Variants in CFAP299 observed in about 807,000 individuals in gnomAD.
CFAP299 encodes the protein cilia- and flagella-associated protein 299.
Under a neutral mutation model 27.0 loss-of-function variants are expected in CFAP299, and 21 were observed. The ratio of observed to expected loss-of-function variants is 0.78; its 90% CI spans 0.55 to 1.12. The LOEUF (loss-of-function observed/expected upper bound fraction) is 1.12, where lower values mean the gene tolerates loss of function less well. Among genes scored for constraint, CFAP299 ranks in the 50% most tolerant of loss-of-function variants. The probability of loss-of-function intolerance (pLI) is 0.00; values close to 1 mark genes in which losing one functional copy is unlikely to be tolerated. For missense variants in CFAP299, 310 were observed against 276.6 expected, an observed-to-expected ratio of 1.12 and a Z score of -0.86; for synonymous variants, 104 against 98.1, an observed-to-expected ratio of 1.06 and a Z score of -0.36.
intron 3 of CFAP299, among the ~76,000 whole-genome samples, chr4:80,692,124 A>G (rs188406180): frequency 1.1e-4 from 16 of 152,230 alleles, no homozygotes; most frequent in African/African-American, 2.6e-4. Flanking sequence ...ACTGCCCAAG[A>G]TAATTTACAG....
intron 2 of CFAP299, among the ~76,000 whole-genome samples, chr4:80,560,884 G>A (rs1452399004): frequency 6.6e-6 from 1 of 152,094 alleles, no homozygotes; most frequent in Non-Finnish European, 1.5e-5. Context: ...GGTCCTGTGG[G>A]ACCTCGCCAC....
At chr4:80,514,091 T>TTG (rs1732456332) in intron 2 of CFAP299, among the ~76,000 whole-genome samples, 1 of 152,050 alleles carries the variant, frequency 6.6e-6, no homozygotes, top group Non-Finnish European at 1.5e-5. Context: ...TGTGTTTTTT[T>TTG]GTTTGTTTGT....
intron 3 of CFAP299, among the ~76,000 whole-genome samples, chr4:80,824,402 T>C (rs1729872063): frequency 6.6e-6 from 1 of 152,066 alleles, no homozygotes; most frequent in South Asian, 2.1e-4. Context: ...CTTCAGGTAT[T>C]GGGAATTTGT....
chr4:80,493,613 A>T (rs1465612251), intron 2 of CFAP299, among the ~76,000 whole-genome samples: 1 of 152,172 alleles, frequency 6.6e-6, no homozygotes. Flanking sequence ...AGTAGAAGGC[A>T]AAGAATTGAT....
In CFAP299 at chr4:80,362,780, G is replaced by A. The variant is rs1221396193; in HGVS notation, c.138G>A (p.Val46=). Residue 46 remains valine, a synonymous_variant, in exon 2 of 6, where the codon GTG becomes GTA. Coordinates refer to ENST00000358105, the MANE Select transcript of CFAP299 (RefSeq NM_152770.3). ...LEDETLARQL[V]ELGYRGTGER... The stretch of plus-strand genomic sequence containing the variant: ...ATGAAACCCTGGCCCGCCAGTTGGT[G>A]GAGCTAGGCTACCGAGGGACTGGAG... The A allele has an allele frequency of 6.2e-7, 1 of 1,609,118 alleles. No individual in the cohort carries two copies. The highest frequency in any genetic ancestry group is 8.5e-7 in the Non-Finnish European group (1 of 1,178,770).
At chr4:80,338,697 C>T (rs1416622751) in intron 1 of CFAP299, among the ~76,000 whole-genome samples, 2 of 152,200 alleles carry the variant, frequency 1.3e-5, no homozygotes, top group Non-Finnish European at 2.9e-5. Flanking sequence ...ATATTGCCTA[C>T]ACTGCTAAGA....
chr4:80,803,436 T>C (rs372021139), intron 3 of CFAP299, among the ~76,000 whole-genome samples: 15 of 152,154 alleles, frequency 9.9e-5, no homozygotes, highest in African/African-American at 3.6e-4. Flanking sequence ...TCAAAATCTG[T>C]GTACAAAAGC....
At chr4:80,956,017 A>G (rs1738046111) in intron 5 of CFAP299, among the ~76,000 whole-genome samples, 1 of 152,284 alleles carries the variant, frequency 6.6e-6, no homozygotes, top group African/African-American at 2.4e-5. Flanking sequence ...AAAAGAATGT[A>G]CATAATATTC....
rs77501250 is a variant in CFAP299, at chr4:80,865,342, T to A, written c.334-4651T>A. 2.3e-3 allele frequency among the ~76,000 whole-genome samples: 348 copies of A among 152,310 alleles called. 1 individual carries two copies. The highest frequency in any genetic ancestry group is 3.4e-3 in the Non-Finnish European group (233 of 68,024). On this transcript the variant is annotated intron_variant, in intron 3 of 5. Coordinates refer to ENST00000358105, the MANE Select transcript of CFAP299 (RefSeq NM_152770.3). The stretch of plus-strand genomic sequence containing the variant: ...ATTAACTGAGACTGTTAGTTTAACT[T>A]CATTCAAATTCTTAGGCAATCCACA...
intron 3 of CFAP299, among the ~76,000 whole-genome samples, chr4:80,681,247 C>T (rs1450312647): frequency 6.6e-6 from 1 of 152,086 alleles, no homozygotes; most frequent in African/African-American, 2.4e-5. Context: ...TGTATCCCCT[C>T]CTGTGACAGA....
chr4:80,743,067 G>T (rs1236269360), intron 3 of CFAP299, among the ~76,000 whole-genome samples: 1 of 152,060 alleles, frequency 6.6e-6, no homozygotes, highest in Non-Finnish European at 1.5e-5. Context: ...TGCTTTTGTA[G>T]TTAACCTGAT....
At chr4:80,797,613 T>A (rs1346512281) in intron 3 of CFAP299, among the ~76,000 whole-genome samples, 1 of 152,116 alleles carries the variant, frequency 6.6e-6, no homozygotes, top group Admixed American at 6.6e-5. Context: ...TCCCATTGTA[T>A]TTAAATTTTA....
At position 80,730,784 on chromosome 4, in the gene CFAP299, G is replaced by A. The variant is rs28541684; in HGVS notation, c.334-139209G>A. ...ATTTGGGGCAATGTATAACTAATACGTTGTTCTCTACAACCACTGTGCCTC... is the reference window on the plus strand; with the variant it reads ...ATTTGGGGCAATGTATAACTAATACATTGTTCTCTACAACCACTGTGCCTC... On this transcript the variant is annotated intron_variant, in intron 3 of 5. Transcript: ENST00000358105. 2.4e-3 allele frequency among the ~76,000 whole-genome samples: 371 copies of A among 152,276 alleles called. 1 individual carries two copies. Among genetic ancestry groups the A allele is most frequent in the African/African-American group, 8.5e-3 (353 of 41,558 alleles).
chr4:80,659,735 A>G (rs1221903136), intron 3 of CFAP299, among the ~76,000 whole-genome samples: 2 of 152,022 alleles, frequency 1.3e-5, no homozygotes, highest in African/African-American at 4.8e-5. Context: ...GGCATAATCT[A>G]TACACTCTTT....
chr4:80,396,637 C>T (rs1235750706), intron 2 of CFAP299, among the ~76,000 whole-genome samples: 2 of 152,032 alleles, frequency 1.3e-5, no homozygotes, highest in African/African-American at 4.8e-5. Context: ...TTGAGATAAT[C>T]ATGTGGTTTT....
chr4:80,963,484 G>C, intron 5 of CFAP299, 33 bp from the exon 6 acceptor site: 3 of 1,428,822 alleles, frequency 2.1e-6, no homozygotes, highest in Middle Eastern at 1.8e-4. Flanking sequence ...TATTTTTATA[G>C]ACTTGACTAA....
intron 2 of CFAP299, among the ~76,000 whole-genome samples, chr4:80,450,109 A>G (rs1483684298): frequency 6.6e-6 from 1 of 152,174 alleles, no homozygotes; most frequent in Non-Finnish European, 1.5e-5. Flanking sequence ...TGCTTATAAC[A>G]GTGTTAAATT....
intron 2 of CFAP299, among the ~76,000 whole-genome samples, chr4:80,418,106 C>A (rs776649766): frequency 6.6e-6 from 1 of 152,148 alleles, no homozygotes; most frequent in East Asian, 1.9e-4. Context: ...TTTGCCAGGA[C>A]TAATTTAGAA....
intron 3 of CFAP299, among the ~76,000 whole-genome samples, chr4:80,839,178 TCTTA>T (rs1306988777): frequency 4.6e-5 from 7 of 152,272 alleles, no homozygotes; most frequent in Admixed American, 2.0e-4. Context: ...CATATTCCTT[TCTTA>T]CTTATTATAC....
Sources: allele counts gnomAD v4.1 joint callset (sites outside exome capture counted in the v4.1 genomes callset), GRCh38; gene constraint gnomAD v4.1.1; transcripts MANE v1.5; gene names NCBI Gene and HGNC (gene_info 2026-07-23, HGNC 2026-07-21).